SCAMP5: variants seen among roughly 807,000 people sequenced by gnomAD.
The protein encoded by SCAMP5 is secretory carrier membrane protein 5, also known as secretory carrier-associated membrane protein 5.
SCAMP5 carries 7 observed loss-of-function variants against 28.3 expected under a neutral mutation model. The observed-to-expected ratio is 0.25, with a 90% confidence interval of 0.14 to 0.46. The LOEUF (loss-of-function observed/expected upper bound fraction) is 0.46, where lower values mean the gene tolerates loss of function less well. SCAMP5 is among the 20% of genes least tolerant of loss of function. SCAMP5 has a pLI of 0.99. For missense variants in SCAMP5, 192 were observed against 312.5 expected, an observed-to-expected ratio of 0.61 and a Z score of 2.91; for synonymous variants, 117 against 116.4, an observed-to-expected ratio of 1.00 and a Z score of -0.03.
intron 1 of SCAMP5, among the ~76,000 whole-genome samples, chr15:75,006,777 A>C (rs2141436512): frequency 6.7e-6 from 1 of 149,878 alleles, no homozygotes; most frequent in Non-Finnish European, 1.5e-5. Context: ...TCCATCTCAA[A>C]AAAAAAAAAA....
chr15:75,003,004 C>T (rs1327683225), intron 1 of SCAMP5, among the ~76,000 whole-genome samples: 1 of 152,184 alleles, frequency 6.6e-6, no homozygotes, highest in Non-Finnish European at 1.5e-5. Flanking sequence ...GATCTCAGCT[C>T]ACTGCAACCT....
At chr15:75,000,251 G>A (rs549703533) in intron 1 of SCAMP5, among the ~76,000 whole-genome samples, 3 of 152,296 alleles carry the variant, frequency 2.0e-5, no homozygotes, top group African/African-American at 7.2e-5. Flanking sequence ...CTGTAGTGCA[G>A]TGACTATTCA....
chr15:75,001,878 A>G (rs986159562), intron 1 of SCAMP5, among the ~76,000 whole-genome samples: 4 of 115,582 alleles, frequency 3.5e-5, no homozygotes, highest in African/African-American at 1.2e-4. Flanking sequence ...TCAAAAAAAA[A>G]AAAAAAAAAA....
chr15:74,997,149 C>T (rs1036829264), intron 1 of SCAMP5: 3 of 152,184 alleles, frequency 2.0e-5, no homozygotes, highest in Non-Finnish European at 4.4e-5. Context: ...TTAGAGCATC[C>T]CCCCTTTCTT....
intron 1 of SCAMP5, among the ~76,000 whole-genome samples, chr15:75,001,869 CAAAAAAAAAAAAAA>C (rs769760180): frequency 2.5e-4 from 10 of 40,460 alleles, no homozygotes; most frequent in African/African-American, 9.0e-4. Context: ...GACTCGGTCT[CAAAAAAAAAAAAAA>C]AAAAAAAAAA....
intron 1 of SCAMP5, among the ~76,000 whole-genome samples, chr15:75,005,166 C>T (rs2065744476): frequency 6.9e-6 from 1 of 144,550 alleles, no homozygotes; most frequent in Non-Finnish European, 1.6e-5. Context: ...CAGAGTGAGG[C>T]TCTTGTCTCA....
At chr15:74,999,586 T>A (rs887515989) in intron 1 of SCAMP5, among the ~76,000 whole-genome samples, 1 of 150,242 alleles carries the variant, frequency 6.7e-6, no homozygotes, top group Non-Finnish European at 1.5e-5. Context: ...AGAGCGAGAC[T>A]CCATCTCAAA....
intron 1 of SCAMP5, among the ~76,000 whole-genome samples, chr15:75,000,683 CTT>C (rs58106804): frequency 7.5e-5 from 9 of 120,276 alleles, no homozygotes; most frequent in Admixed American, 3.6e-4. Context: ...CGCACCCAGC[CTT>C]TTTTTTTTTT....
At chr15:74,998,680 C>T (rs1160954889) in intron 1 of SCAMP5, among the ~76,000 whole-genome samples, 1 of 151,880 alleles carries the variant, frequency 6.6e-6, no homozygotes, top group South Asian at 2.1e-4. Flanking sequence ...CCCCACCCCC[C>T]ATTTCAAAGG....
intron 3 of SCAMP5, 56 bp from the exon 4 acceptor site, chr15:75,016,537 C>T: frequency 6.5e-7 from 1 of 1,541,560 alleles, no homozygotes; most frequent in Non-Finnish European, 8.8e-7. Context: ...GCTCATGTGT[C>T]TCTCTATGGG....
chr15:75,012,547 T>G, intron 2 of SCAMP5, 130 bp from the exon 3 acceptor site: 7 of 1,061,936 alleles, frequency 6.6e-6, no homozygotes, highest in South Asian at 1.4e-5. Flanking sequence ...TAGGGACGGC[T>G]GGGTGGGGAA....
intron 1 of SCAMP5, among the ~76,000 whole-genome samples, chr15:75,005,369 A>G (rs901894957): frequency 6.6e-6 from 1 of 151,888 alleles, no homozygotes; most frequent in African/African-American, 2.4e-5. Flanking sequence ...CTGAGGCAGG[A>G]GAATCGCTTG....
chr15:75,003,311 G>C (rs1447487500), intron 1 of SCAMP5, among the ~76,000 whole-genome samples: 1 of 152,248 alleles, frequency 6.6e-6, no homozygotes, highest in South Asian at 2.1e-4. Flanking sequence ...TATGGAAATG[G>C]TATAAAGTTA....
chr15:75,005,197 C>T (rs1296334017), intron 1 of SCAMP5, among the ~76,000 whole-genome samples: 1 of 151,150 alleles, frequency 6.6e-6, no homozygotes, highest in Non-Finnish European at 1.5e-5. Context: ...AATCCAAGAT[C>T]CGGGCCTGTA....
chr15:74,997,746 T>C (rs2065666363), intron 1 of SCAMP5, among the ~76,000 whole-genome samples: 1 of 152,170 alleles, frequency 6.6e-6, no homozygotes, highest in South Asian at 2.1e-4. Flanking sequence ...TGTAGCTGAC[T>C]GGCACAAAGC....
rs879581908 is a variant in SCAMP5 at position 74,996,426 on chromosome 15, C to A, written c.-49+753C>A. On this transcript the variant is annotated intron_variant, in intron 1 of 6. Transcript: ENST00000425597. This position sits in a 1 kb window ranked among gnomAD's most constrained non-coding sequence, Gnocchi z 4.1. ...CGGACTGAGCATTCACTGTCACAGG[C>A]GGCTTAAACAAGTAATGTCCCAGCT... is the stretch of plus-strand genomic sequence containing the variant. The A allele has an allele frequency of 6.6e-6, 1 of 152,350 alleles. No individual in the cohort carries two copies. Among genetic ancestry groups the A allele is most frequent in the African/African-American group, 2.4e-5 (1 of 41,462 alleles). 9.4% of individuals were successfully genotyped at this position (152,350 alleles called of 1,614,324 possible). A position where few individuals can be genotyped will look rare whatever the true frequency, so the allele number is the denominator to read the frequency against.
At position 75,018,901 on chromosome 15, in the gene SCAMP5, T is replaced by C. The variant is rs758046846; in HGVS notation, c.626T>C (p.Met209Thr). The change falls in exon 7 of 7, where the codon ATG becomes ACG. Residue 209 changes from methionine (M) to threonine (T), a missense_variant. Met to Thr is a moderately conservative substitution (Grantham distance 81, BLOSUM62 -1). Coordinates refer to ENST00000425597, the MANE Select transcript of SCAMP5 (RefSeq NM_138967.4). This position sits in a 1 kb window ranked among gnomAD's most constrained non-coding sequence, Gnocchi z 5.6. ...CAGCAGGCAGCCCAGAACGCAGCCA[T>C]GGGGGCAGCCCAGGGTGCCATGAAT... Reference protein sequence around the residue: ...HVQQAAQNAAMGAAQGAMNQP... With the variant: ...HVQQAAQNAATGAAQGAMNQP... 5 of 1,584,576 alleles carry C rather than the reference T, an allele frequency of 3.2e-6. No homozygotes were observed. Among genetic ancestry groups the C allele is most frequent in the Non-Finnish European group, 4.3e-6 (5 of 1,172,082 alleles).
chr15:75,012,579 A>G (rs2065821177), intron 2 of SCAMP5, 98 bp from the exon 3 acceptor site: 1 of 1,427,108 alleles, frequency 7.0e-7, no homozygotes, highest in Admixed American at 1.7e-5. Context: ...CGGTGGCCAC[A>G]GGGGCCAATG....
At chr15:75,006,465 C>T (rs1255685070) in intron 1 of SCAMP5, among the ~76,000 whole-genome samples, 1 of 149,992 alleles carries the variant, frequency 6.7e-6, no homozygotes, top group Non-Finnish European at 1.5e-5. Flanking sequence ...CTAGCCTGGC[C>T]AACATGGTGA....
Sources: gnomAD v4.1 joint callset for allele counts (sites outside exome capture counted in the v4.1 genomes callset) on GRCh38, gnomAD v4.1.1 for gene constraint, Gnocchi (gnomAD v3.1) non-coding constraint, MANE v1.5 for transcripts, NCBI Gene and HGNC (gene_info 2026-07-23, HGNC 2026-07-21) for gene names.